The following FCMR variants were observed in gnomAD, a reference collection of about 807,000 sequenced individuals.
FCMR encodes Fc mu receptor, also known as immunoglobulin mu Fc receptor.
FCMR carries 34 observed loss-of-function variants against 41.6 expected under a neutral mutation model. The ratio of observed to expected loss-of-function variants is 0.82; its 90% CI spans 0.62 to 1.09. The LOEUF (loss-of-function observed/expected upper bound fraction) is 1.09, where lower values mean the gene tolerates loss of function less well. Among genes scored for constraint, FCMR ranks in the 50% least tolerant of loss-of-function variants. The pLI is 0.00. For missense variants in FCMR, 496 were observed against 512.5 expected (o/e 0.97, Z 0.31); for synonymous variants, 209 against 211.8 (o/e 0.99, Z 0.12).
intron 1 of FCMR, among the ~76,000 whole-genome samples, chr1:206,918,594 C>G (rs900573701): frequency 6.6e-6 from 1 of 151,836 alleles, no homozygotes; most frequent in Non-Finnish European, 1.5e-5. Flanking sequence ...CATCATCCAC[C>G]CATCTGCTGA....
chr1:206,915,725 C>A (rs1679165256), intron 1 of FCMR, among the ~76,000 whole-genome samples: 1 of 152,028 alleles, frequency 6.6e-6, no homozygotes, highest in Non-Finnish European at 1.5e-5. Flanking sequence ...AGAGATTCTT[C>A]CAAATAGCCA....
intron 7 of FCMR, among the ~76,000 whole-genome samples, chr1:206,906,915 T>G (rs1678671303): frequency 6.6e-6 from 1 of 151,964 alleles, no homozygotes; most frequent in African/African-American, 2.4e-5. Flanking sequence ...TGCACATATT[T>G]TCGAAGCAAG....
Position 206,909,734 on chromosome 1 carries a change from C to G in FCMR, c.976G>C (p.Asp326His). 11 of 1,454,752 alleles carry G rather than the reference C, an allele frequency of 7.6e-6. No individual in the cohort carries two copies. The highest frequency in any genetic ancestry group is 1.4e-5 in the South Asian group (1 of 73,548). 90.1% of individuals were successfully genotyped at this position (1,454,752 alleles called of 1,614,324 possible). A position where few individuals can be genotyped will look rare whatever the true frequency, so the allele number is the denominator to read the frequency against. Residue 326 changes from aspartate to histidine, a missense_variant, in exon 6 of 8, where the codon GAC becomes CAC. Asp to His is a moderately conservative substitution (Grantham distance 81). Transcript: ENST00000367091. The surrounding 1 kb of genome is among the most constrained non-coding windows in gnomAD (Gnocchi z 5.0). ...CCGCCCGGCGGCTCACCTGCAGCGT[C>G]CGCTCCACGAGCGCGCCGCGGGCAG... ...SACPRRARGA[D>H]AAGTGEAPVP...
chr1:206,911,905 A>G lies in FCMR; in HGVS notation c.535T>C (p.Ser179Pro). 1 of 1,605,390 alleles carries G rather than the reference A, an allele frequency of 6.2e-7. No homozygotes were observed. Among genetic ancestry groups the G allele is most frequent in the South Asian group, 1.1e-5 (1 of 89,652 alleles). ...RGKVPPVHHS[S>P]PTTQITHRPR... ...CGGTGGGTGATTTGGGTGGTGGGGG[A>G]GGAGTGGTGAACTGGAGGGACCTTG... Residue 179 changes from serine (S) to proline (P), a missense_variant, in exon 4 of 8, where the codon TCC becomes CCC. By Grantham distance (74) the Ser-to-Pro change is moderately conservative. Transcript: ENST00000367091.
chr1:206,916,599 A>T (rs1288404097), intron 1 of FCMR, among the ~76,000 whole-genome samples: 1 of 152,262 alleles, frequency 6.6e-6, no homozygotes, highest in Non-Finnish European at 1.5e-5. Flanking sequence ...ACAAGGAAGC[A>T]GTTGTTGGCG....
intron 1 of FCMR, among the ~76,000 whole-genome samples, chr1:206,918,649 A>C (rs1679294345): frequency 1.2e-5 from 1 of 84,604 alleles, no homozygotes. Flanking sequence ...AATAAATTTT[A>C]AGTGTGTGTG....
intron 1 of FCMR, among the ~76,000 whole-genome samples, chr1:206,920,454 C>CAAAA (rs10693146): frequency 5.9e-4 from 66 of 111,116 alleles, no homozygotes; most frequent in African/African-American, 1.7e-3. Context: ...GACTCTGTCT[C>CAAAA]AAAAAAAAAA....
rs114123219 is a variant in FCMR, at chr1:206,921,847, A to C, written c.8T>G (p.Phe3Cys). 1.1e-3 allele frequency: 1,836 copies of C among 1,614,176 alleles called. 18 individuals are homozygous for C. In the African/African-American group the frequency reaches 0.017, roughly 15 times the overall value. The change falls in exon 1 of 8, where the codon TTC becomes TGC. Residue 3 changes from phenylalanine (F) to cysteine (C), a missense_variant. Transcript: ENST00000367091. ...CAGGAAGTAAAGTGGCCAAAGCCAG[A>C]AGTCCATTGTCCCTTCTAGAGTGCA... MD[F>C]WLWPLYFLPV...
chr1:206,907,035 G>A (rs1678676718), intron 7 of FCMR, among the ~76,000 whole-genome samples: 2 of 147,104 alleles, frequency 1.4e-5, no homozygotes, highest in African/African-American at 5.0e-5. Context: ...CCACGCGGGT[G>A]TGAACCTTCT....
intron 3 of FCMR, 93 bp downstream of exon 3, chr1:206,912,836 C>A: frequency 1.1e-6 from 1 of 876,826 alleles, no homozygotes; most frequent in South Asian, 1.4e-5. Flanking sequence ...GCTCTGCCAG[C>A]CACTCTATGA....
chr1:206,910,468 A>T, intron 4 of FCMR, 128 bp from the exon 5 acceptor site: 1 of 626,584 alleles, frequency 1.6e-6, no homozygotes, highest in Non-Finnish European at 2.4e-6. Flanking sequence ...AACAGAATTC[A>T]CTCCACTCCC....
chr1:206,907,684 C>T (rs897725935), intron 7 of FCMR: 2 of 823,216 alleles, frequency 2.4e-6, no homozygotes, highest in Admixed American at 1.7e-5. Flanking sequence ...TGGCGGCCAT[C>T]GTGGCTAACT....
rs746257805 is a variant in FCMR, at chr1:206,909,711, G to T, written c.985+14C>A. 7.1e-5 allele frequency: 101 copies of T among 1,417,458 alleles called. No homozygotes were observed. The East Asian group carries it at 3.0e-3, about 42-fold the overall frequency. The allele number at this position is 1,417,458 out of a possible 1,614,324, so 87.8% of individuals were successfully genotyped here. ...CTCTTTCCGCTACTCCCCGTGGCCC[G>T]CCCGGCGGCTCACCTGCAGCGTCCG... is the stretch of plus-strand genomic sequence containing the variant. On this transcript the variant is annotated intron_variant, in intron 6 of 7. Transcript: ENST00000367091. The surrounding 1 kb of genome is among the most constrained non-coding windows in gnomAD (Gnocchi z 5.0).
chr1:206,921,299 G>A (rs1037540765), intron 1 of FCMR: 4 of 322,574 alleles, frequency 1.2e-5, no homozygotes, highest in Admixed American at 1.1e-4. Flanking sequence ...GACACCTTCA[G>A]CTCTTAAGAG....
intron 1 of FCMR, chr1:206,921,402 AC>A: frequency 2.2e-6 from 1 of 449,388 alleles, no homozygotes. Context: ...CAAGTTCAAG[AC>A]CATCCTGGGC....
intron 1 of FCMR, among the ~76,000 whole-genome samples, chr1:206,914,310 T>TTCCTTCC (rs1679084510): frequency 6.9e-6 from 1 of 145,566 alleles, no homozygotes; most frequent in Non-Finnish European, 1.5e-5. Context: ...TTTTCTTTTC[T>TTCCTTCC]TTCCTTCCTT....
At chr1:206,918,650 A>AGTTTGTGTGT (rs1553238236) in intron 1 of FCMR, among the ~76,000 whole-genome samples, 2 of 145,880 alleles carry the variant, frequency 1.4e-5, no homozygotes, top group Non-Finnish European at 3.0e-5. Flanking sequence ...ATAAATTTTA[A>AGTTTGTGTGT]GTGTGTGTGT....
At chr1:206,921,999 G>C (rs1453649045), upstream of FCMR, 1 of 703,992 alleles carries the variant, frequency 1.4e-6, no homozygotes, top group East Asian at 2.6e-5. Context: ...ATGAGGAAAT[G>C]ACAACCTCCC....
At position 206,909,490 on chromosome 1, in the gene FCMR, C is replaced by T; in HGVS notation, c.1016G>A (p.Gly339Glu). The change falls in exon 7 of 8, where the codon GGA (glycine) becomes GAA (glutamate). Residue 339 changes from glycine (G) to glutamate (E), a missense_variant. Coordinates refer to ENST00000367091, the MANE Select transcript of FCMR (RefSeq NM_005449.5). This position sits in a 1 kb window ranked among gnomAD's most constrained non-coding sequence, Gnocchi z 5.0. ...CAGCGGGGCGGGGGGCAACGGCGCT[C>T]CGGGGCCGGGAACGGGGGCCTCCCC... ...GTGEAPVPGPGAPLPPAPLQV... is the reference protein window; with the variant it reads ...GTGEAPVPGPEAPLPPAPLQV... The T allele has an allele frequency of 7.8e-7, 1 of 1,285,674 alleles. No individual in the cohort carries two copies. The highest frequency in any genetic ancestry group is 9.8e-7 in the Non-Finnish European group (1 of 1,018,230). 79.6% of individuals were successfully genotyped at this position (1,285,674 alleles called of 1,614,324 possible).
Sources: gnomAD v4.1 joint callset for allele counts (sites outside exome capture counted in the v4.1 genomes callset) on GRCh38, gnomAD v4.1.1 for gene constraint, Gnocchi (gnomAD v3.1) non-coding constraint, MANE v1.5 for transcripts, NCBI Gene and HGNC (gene_info 2026-07-23, HGNC 2026-07-21) for gene names.